The following CCDC57 variants were observed in gnomAD, a reference collection of about 807,000 sequenced individuals.
CCDC57 encodes coiled-coil domain containing 57.
Under a neutral mutation model 118.9 loss-of-function variants are expected in CCDC57, and 118 were observed. That is an observed-to-expected ratio of 0.99 (90% CI 0.86 to 1.16). CCDC57 has a LOEUF of 1.16. Among genes scored for constraint, CCDC57 ranks in the 50% most tolerant of loss-of-function variants. The pLI, the probability that CCDC57 is intolerant of heterozygous loss-of-function variation, is 0.00. For synonymous variants in CCDC57, 527 were observed against 532.9 expected (o/e 0.99, Z 0.15); for missense variants, 1,300 against 1,320.7 (o/e 0.98, Z 0.24).
intron 1 of CCDC57, among the ~76,000 whole-genome samples, chr17:82,210,620 C>T (rs2050106461): frequency 6.7e-6 from 1 of 150,232 alleles, no homozygotes; most frequent in Non-Finnish European, 1.5e-5. Flanking sequence ...GCAGAGGTTG[C>T]AGTGAGCCGA....
chr17:82,157,308 A>G (rs190658459), intron 15 of CCDC57: 9 of 347,168 alleles, frequency 2.6e-5, no homozygotes, highest in Non-Finnish European at 4.0e-5. Context: ...TGAACGCAGC[A>G]GTGAGGGCCA....
intron 17 of CCDC57, among the ~76,000 whole-genome samples, chr17:82,130,504 T>TG (rs2038181172): frequency 7.0e-6 from 1 of 142,830 alleles, no homozygotes; most frequent in Admixed American, 6.9e-5. Context: ...CAAAACTTTT[T>TG]TTTTTTTTTT....
At chr17:82,201,870 C>T in exon 3 of CCDC57, 3 of 1,612,868 alleles carry the variant, frequency 1.9e-6, no homozygotes. Context: ...TGCGGTGTGC[C>T]TGCAGCGCCC....
intron 16 of CCDC57, among the ~76,000 whole-genome samples, chr17:82,150,514 C>T (rs1263618201): frequency 1.1e-4 from 13 of 121,880 alleles, no homozygotes; most frequent in African/African-American, 3.2e-4. Context: ...CAGAACCAGG[C>T]GCACACTCAG....
rs966672874 is a variant in CCDC57, at chr17:82,171,995, C to G, written c.1730-142G>C. On this transcript the variant is annotated intron_variant, in intron 12 of 19. Coordinates refer to ENST00000665763, the Ensembl canonical transcript of CCDC57. ...CTGTCCTCCTCACACTACAGCTTCA[C>G]CGTAGTTTCCACACTCTCTGTGTGT... The G allele has an allele frequency of 4.7e-6, 4 of 843,850 alleles. No individual in the cohort carries two copies. The African/African-American group carries it at 5.0e-5, about 11-fold the overall frequency. The allele number at this position is 843,850 out of a possible 1,614,324, so 52.3% of individuals were successfully genotyped here. A position where few individuals can be genotyped will look rare whatever the true frequency, so the allele number is the denominator to read the frequency against.
At chr17:82,154,691 C>T (rs560563381) in intron 15 of CCDC57, 1 of 151,544 alleles carries the variant, frequency 6.6e-6, no homozygotes, top group Non-Finnish European at 1.5e-5. Flanking sequence ...CAGGGTCCCA[C>T]GTGGTGTTTC....
At chr17:82,167,545 T>C (rs1469288777) in intron 13 of CCDC57, among the ~76,000 whole-genome samples, 2 of 151,962 alleles carry the variant, frequency 1.3e-5, no homozygotes, top group African/African-American at 4.8e-5. Flanking sequence ...GAAATGGGGT[T>C]TCTCCACTTT....
chr17:82,201,902 G>A, exon 3 of CCDC57: 1 of 1,607,488 alleles, frequency 6.2e-7, no homozygotes, highest in Non-Finnish European at 8.5e-7. Flanking sequence ...TCCTTGCGAA[G>A]CAGCAGCTCA....
At chr17:82,202,190 G>C (rs2049076276) in intron 2 of CCDC57, among the ~76,000 whole-genome samples, 1 of 152,188 alleles carries the variant, frequency 6.6e-6, no homozygotes, top group Non-Finnish European at 1.5e-5. Context: ...AATTAGGCCG[G>C]GTGCAGTGGC....
intron 11 of CCDC57, among the ~76,000 whole-genome samples, chr17:82,173,258 T>C (rs936562386): frequency 3.3e-5 from 5 of 152,156 alleles, no homozygotes; most frequent in Non-Finnish European, 4.4e-5. Context: ...TGCTGAACTG[T>C]GTGCACCAAA....
intron 19 of CCDC57, among the ~76,000 whole-genome samples, chr17:82,117,484 A>C (rs1180846908): frequency 6.6e-6 from 1 of 152,180 alleles, no homozygotes; most frequent in Non-Finnish European, 1.5e-5. Flanking sequence ...ACAAAATGTA[A>C]AAAATTAGCC....
Position 82,172,693 on chromosome 17 carries a change from C to A in CCDC57, c.1674G>T (p.Glu558Asp), listed in dbSNP as rs2044900315. The A allele has an allele frequency of 1.3e-6, 2 of 1,562,596 alleles. No individual in the cohort carries two copies. The highest frequency in any genetic ancestry group is 2.7e-5 in the African/African-American group (2 of 73,902). The change falls in exon 12 of 20, where the codon GAG becomes GAT. Residue 558 changes from glutamate to aspartate, a missense_variant. Coordinates refer to ENST00000665763, the Ensembl canonical transcript of CCDC57. This position sits in a 1 kb window ranked among gnomAD's most constrained non-coding sequence, Gnocchi z 5.2. ...GGTCAGGCTGGTTTGCATCTGTGCT[C>A]TCTGCCGCTGTCTGGATGGGAGGAG... is the stretch of plus-strand genomic sequence containing the variant.
chr17:82,127,175 C>T (rs554328304), intron 19 of CCDC57: 10 of 985,454 alleles, frequency 1.0e-5, no homozygotes, highest in East Asian at 1.1e-4. Flanking sequence ...CGGCAACGTC[C>T]GCGCAGCAAA....
intron 16 of CCDC57, chr17:82,145,757 A>G: frequency 2.2e-6 from 1 of 451,996 alleles, no homozygotes; most frequent in Non-Finnish European, 4.6e-6. Flanking sequence ...CAGGCCCCTG[A>G]GTGGGGCTGT....
At chr17:82,180,161 G>A (rs373225394) in intron 9 of CCDC57, among the ~76,000 whole-genome samples, 9 of 152,254 alleles carry the variant, frequency 5.9e-5, no homozygotes, top group Admixed American at 2.0e-4. Flanking sequence ...GGGCTGCGTG[G>A]CCAGGACTGA....
chr17:82,126,642 T>C, intron 19 of CCDC57: 1 of 985,348 alleles, frequency 1.0e-6, no homozygotes, highest in Non-Finnish European at 1.2e-6. Flanking sequence ...ACACTGCTGC[T>C]GGGAGCAGCC....
At chr17:82,188,402 C>T (rs754258058) in exon 8 of CCDC57, 25 of 1,611,186 alleles carry the variant, frequency 1.6e-5, no homozygotes, top group South Asian at 2.2e-5. Context: ...CCTGGCCAGA[C>T]GGTCGAGCTC....
intron 19 of CCDC57, among the ~76,000 whole-genome samples, chr17:82,108,508 T>C (rs1278407523): frequency 6.6e-6 from 1 of 152,242 alleles, no homozygotes; most frequent in Non-Finnish European, 1.5e-5. Flanking sequence ...TGTCATGTTA[T>C]CGCTGGCTCT....
intron 6 of CCDC57, 57 bp downstream of exon 5, chr17:82,193,925 G>C: frequency 4.4e-6 from 7 of 1,581,832 alleles, no homozygotes; most frequent in Non-Finnish European, 6.0e-6. Flanking sequence ...CCAGACTCCA[G>C]TCCTGGCCTG....
Sources: gnomAD v4.1 joint callset for allele counts (sites outside exome capture counted in the v4.1 genomes callset) on GRCh38, gnomAD v4.1.1 for gene constraint, Gnocchi (gnomAD v3.1) non-coding constraint, MANE v1.5 for transcripts, NCBI Gene and HGNC (gene_info 2026-07-23, HGNC 2026-07-21) for gene names.